Variants in XIRP2 observed in about 807,000 individuals in gnomAD.
XIRP2 encodes the protein xin actin-binding repeat-containing protein 2.
Under a neutral mutation model 277.0 loss-of-function variants are expected in XIRP2, and 236 were observed. The ratio of observed to expected loss-of-function variants is 0.85; its 90% CI spans 0.77 to 0.95. The LOEUF (loss-of-function observed/expected upper bound fraction) is 0.95. Among genes scored for constraint, XIRP2 ranks in the 40% least tolerant of loss-of-function variants. The probability of loss-of-function intolerance (pLI) is 0.00; values close to 1 mark genes in which losing one functional copy is unlikely to be tolerated. For missense variants in XIRP2, 4,640 were observed against 4,157.5 expected (o/e 1.12, Z -3.19); for synonymous variants, 1,490 against 1,416.5 (o/e 1.05, Z -1.17).
intron 2 of XIRP2, among the ~76,000 whole-genome samples, chr2:166,912,108 G>A (rs1399135973): frequency 6.6e-6 from 1 of 152,128 alleles, no homozygotes; most frequent in East Asian, 1.9e-4. Context: ...TTCTCGAGGA[G>A]TATCTTTGTG....
chr2:167,238,440 A>G (rs1325984892), intron 5 of XIRP2, among the ~76,000 whole-genome samples: 2 of 152,126 alleles, frequency 1.3e-5, no homozygotes, highest in Non-Finnish European at 2.9e-5. Flanking sequence ...GCATAAGATC[A>G]GATTTTACTA....
chr2:167,208,309 C>T (rs1447510639), intron 3 of XIRP2, among the ~76,000 whole-genome samples: 1 of 152,018 alleles, frequency 6.6e-6, no homozygotes, highest in East Asian at 1.9e-4. Flanking sequence ...TTTATCATTC[C>T]CTTTTTTTTG....
intron 2 of XIRP2, among the ~76,000 whole-genome samples, chr2:166,904,313 C>T (rs1041368258): frequency 6.6e-6 from 1 of 152,230 alleles, no homozygotes; most frequent in Non-Finnish European, 1.5e-5. Flanking sequence ...GCTTTGGAAC[C>T]ACAGTGATCC....
At chr2:167,110,082 T>C (rs770910170) in intron 2 of XIRP2, among the ~76,000 whole-genome samples, 50 of 152,158 alleles carry the variant, frequency 3.3e-4, no homozygotes, top group Non-Finnish European at 5.4e-4. Flanking sequence ...AGACCTTTGT[T>C]GGATGCATAG....
intron 1 of XIRP2, among the ~76,000 whole-genome samples, chr2:166,897,600 G>A (rs559772395): frequency 2.0e-5 from 3 of 152,120 alleles, no homozygotes; most frequent in Non-Finnish European, 4.4e-5. Context: ...ATAGGTATTA[G>A]CTACAAAGAA....
intron 2 of XIRP2, among the ~76,000 whole-genome samples, chr2:166,938,649 T>G (rs948461025): frequency 8.5e-5 from 13 of 152,192 alleles, no homozygotes; most frequent in African/African-American, 3.1e-4. Context: ...CTGGATATCC[T>G]TGTTAACTTT....
intron 3 of XIRP2, 92 bp from the exon 4 acceptor site, chr2:167,210,643 A>G (rs772440004): frequency 9.5e-6 from 14 of 1,477,566 alleles, no homozygotes; most frequent in Non-Finnish European, 1.2e-5. Context: ...TTACGAGATC[A>G]AGTATTTTAA....
intron 2 of XIRP2, among the ~76,000 whole-genome samples, chr2:166,910,347 G>A (rs1469447852): frequency 1.3e-5 from 2 of 152,160 alleles, no homozygotes; most frequent in Non-Finnish European, 2.9e-5. Context: ...TTGGGAGGGT[G>A]TATGTGTCAA....
chr2:167,183,517 C>T (rs1487385605), intron 3 of XIRP2, among the ~76,000 whole-genome samples: 1 of 152,130 alleles, frequency 6.6e-6, no homozygotes, highest in East Asian at 1.9e-4. Context: ...TTGCTATTTA[C>T]AATCTGCTGT....
rs1179485515 is a variant in XIRP2, at chr2:167,227,110, C to T, written c.858+8810C>T. Among the ~76,000 whole-genome samples the T allele has an allele frequency of 2.0e-5, 3 of 152,196 alleles. No individual in the cohort carries two copies. The East Asian group carries it at 5.8e-4, about 29-fold the overall frequency. ...ATTTGCTATCCCAGGGTTGACCTCT[C>T]CCTTCTTGATTTCTGATCTGAGGCT... On this transcript the variant is annotated intron_variant, in intron 5 of 10. Transcript: ENST00000409195.
chr2:167,075,675 C>G (rs1038645249), intron 2 of XIRP2, among the ~76,000 whole-genome samples: 1 of 152,010 alleles, frequency 6.6e-6, no homozygotes, highest in African/African-American at 2.4e-5. Context: ...TAGTTTCGCT[C>G]TTGTCACCCA....
In XIRP2 at chr2:167,246,870, T is replaced by C; in HGVS notation, c.5478T>C (p.Ser1826=). The change falls in exon 9 of 11, where the codon AGT becomes AGC. Residue 1826 remains serine, a synonymous_variant. Coordinates refer to ENST00000409195, the MANE Select transcript of XIRP2 (RefSeq NM_152381.6). ...TVKVFMTEPQ[S]TFGKIPKEEI... is the part of the protein sequence containing the mutation. ...AGGTTTTTATGACCGAGCCTCAGAG[T>C]ACATTTGGTAAGATACCCAAAGAAG... 6.2e-7 allele frequency: 1 copy of C among 1,613,632 alleles called. No homozygotes were observed. Among genetic ancestry groups the C allele is most frequent in the Admixed American group, 1.7e-5 (1 of 59,994 alleles).
intron 2 of XIRP2, among the ~76,000 whole-genome samples, chr2:167,017,189 C>T (rs1009255962): frequency 2.6e-5 from 4 of 151,980 alleles, no homozygotes; most frequent in Non-Finnish European, 5.9e-5. Context: ...CAAACTACAG[C>T]TCCCATTCCT....
At chr2:167,064,619 T>C in intron 2 of XIRP2, among the ~76,000 whole-genome samples, 1 of 151,888 alleles carries the variant, frequency 6.6e-6, no homozygotes, top group East Asian at 1.9e-4. Context: ...ACTTTTCTCA[T>C]TTTTCAAATG....
intron 3 of XIRP2, among the ~76,000 whole-genome samples, chr2:167,162,035 A>G (rs1309658515): frequency 6.6e-6 from 1 of 152,158 alleles, no homozygotes; most frequent in Non-Finnish European, 1.5e-5. Context: ...TCTCTGTTAA[A>G]AGATAACAAG....
At chr2:166,978,328 A>G (rs2105429454) in intron 2 of XIRP2, among the ~76,000 whole-genome samples, 1 of 152,242 alleles carries the variant, frequency 6.6e-6, no homozygotes. Flanking sequence ...AGACATTTTT[A>G]TTCTTTTTCT....
intron 2 of XIRP2, among the ~76,000 whole-genome samples, chr2:167,027,309 T>G (rs1052315784): frequency 8.5e-5 from 13 of 152,168 alleles, no homozygotes; most frequent in African/African-American, 3.1e-4. Flanking sequence ...CTCCTGAGGC[T>G]TCTACATTCT....
In XIRP2 at chr2:166,903,544, A is replaced by G. The variant is rs1558909300; in HGVS notation, c.62A>G (p.Tyr21Cys). ...AGGCAGAAATGGGAATCTTGTGATT[A>G]TCAGAGAAGTGAGTGTCATCCCAGG... ...LLRQKWESCD[Y>C]QRSECHPRDS... Residue 21 changes from tyrosine to cysteine, a missense_variant, in exon 2 of 11, where the codon TAT (tyrosine) becomes TGT (cysteine). Physicochemically the swap from Tyr to Cys is radical, Grantham distance 194. Transcript: ENST00000409195. 1 of 1,613,616 alleles carries G rather than the reference A, an allele frequency of 6.2e-7. No individual in the cohort carries two copies. Among genetic ancestry groups the G allele is most frequent in the Admixed American group, 1.7e-5 (1 of 59,910 alleles).
chr2:167,046,391 G>A (rs1270688268), intron 2 of XIRP2, among the ~76,000 whole-genome samples: 1 of 151,600 alleles, frequency 6.6e-6, no homozygotes, highest in Non-Finnish European at 1.5e-5. Context: ...GATGCCTAAG[G>A]TGTGGAGAAT....
Sources: allele counts gnomAD v4.1 joint callset (sites outside exome capture counted in the v4.1 genomes callset), GRCh38; gene constraint gnomAD v4.1.1; transcripts MANE v1.5; gene names NCBI Gene and HGNC (gene_info 2026-07-23, HGNC 2026-07-21).